FAM171A1: variants seen among roughly 807,000 people sequenced by gnomAD.
FAM171A1 encodes family with sequence similarity 171 member A1, also known as protein FAM171A1.
In FAM171A1, 23 loss-of-function variants were observed where a neutral mutation model predicts 74.9. The ratio of observed to expected loss-of-function variants is 0.31; its 90% confidence interval spans 0.22 to 0.44. The LOEUF is 0.44. Among genes scored for constraint, FAM171A1 ranks in the 20% least tolerant of loss-of-function variants. The pLI is 1.00. For missense variants in FAM171A1, 1,162 were observed against 1,159.2 expected (o/e 1.00, Z -0.03); for synonymous variants, 527 against 505.7 (o/e 1.04, Z -0.57).
At chr10:15,363,614 CAGG>C (rs1836022557) in intron 1 of FAM171A1, among the ~76,000 whole-genome samples, 1 of 152,186 alleles carries the variant, frequency 6.6e-6, no homozygotes, top group Admixed American at 6.5e-5. Flanking sequence ...AGTTCCTTGG[CAGG>C]AGACTGATGG....
In FAM171A1 at chr10:15,285,142, G is replaced by C. The variant is rs149924405; in HGVS notation, c.98-1037C>G. Among the ~76,000 whole-genome samples, 675 of 152,298 alleles carry C rather than the reference G, an allele frequency of 4.4e-3. 3 individuals carry two copies. Among genetic ancestry groups the C allele is most frequent in the African/African-American group, 0.014 (602 of 41,564 alleles). On this transcript the variant is annotated intron_variant, in intron 1 of 7. Transcript: ENST00000378116. The stretch of plus-strand genomic sequence containing the variant: ...ATTGTAACTACACAGCTACAGTGAA[G>C]GAGAGGATGCGTGAGTAAACAGGAA...
Position 15,318,419 on chromosome 10 carries a change from T to C in FAM171A1, c.98-34314A>G, listed in dbSNP as rs570648959. The stretch of plus-strand genomic sequence containing the variant: ...AAGGGGTCACGAAGCTGGTTACTTA[T>C]CTGCGTGCGGTAAGTCTATACAGAA... On this transcript the variant is annotated intron_variant, in intron 1 of 7. Coordinates refer to ENST00000378116, the MANE Select transcript of FAM171A1 (RefSeq NM_001010924.2). 9.2e-5 allele frequency among the ~76,000 whole-genome samples: 14 copies of C among 152,288 alleles called. No individual in the cohort carries two copies. The South Asian group carries it at 1.5e-3, about 16-fold the overall frequency.
At chr10:15,229,595 C>T (rs368328151) in intron 5 of FAM171A1, among the ~76,000 whole-genome samples, 1,625 of 122,226 alleles carry the variant, frequency 0.013, 26 homozygotes, top group Non-Finnish European at 0.021. Flanking sequence ...TCATCACCAT[C>T]ATCACCATCA....
chr10:15,351,737 A>G (rs924569505), intron 1 of FAM171A1, among the ~76,000 whole-genome samples: 7 of 152,168 alleles, frequency 4.6e-5, no homozygotes, highest in Non-Finnish European at 1.5e-5. Context: ...GCCACAAAAC[A>G]GCTATGTTCC....
At chr10:15,290,912 A>G (rs11259597) in intron 1 of FAM171A1, among the ~76,000 whole-genome samples, 3,084 of 152,052 alleles carry the variant, frequency 0.02, 39 homozygotes, top group Non-Finnish European at 0.031. Flanking sequence ...TGTTTTGTTT[A>G]GAGTCTTAGC....
At chr10:15,319,268 A>G (rs1005829279) in intron 1 of FAM171A1, among the ~76,000 whole-genome samples, 2 of 152,194 alleles carry the variant, frequency 1.3e-5, no homozygotes, top group South Asian at 2.1e-4. Flanking sequence ...ACCAGAGAAG[A>G]AAAATGATAC....
intron 2 of FAM171A1, among the ~76,000 whole-genome samples, chr10:15,276,954 T>C (rs568926138): frequency 4.6e-5 from 7 of 152,320 alleles, no homozygotes; most frequent in Non-Finnish European, 7.3e-5. Context: ...TCCAAAGTCC[T>C]GGGATTATAG....
intron 1 of FAM171A1, among the ~76,000 whole-genome samples, chr10:15,296,521 T>C (rs1233560444): frequency 2.0e-5 from 3 of 152,190 alleles, no homozygotes; most frequent in South Asian, 4.1e-4. Flanking sequence ...TTCAGTTTGA[T>C]GTTCCTCCGC....
At chr10:15,231,678 T>C (rs1299181629) in intron 5 of FAM171A1, among the ~76,000 whole-genome samples, 1 of 152,052 alleles carries the variant, frequency 6.6e-6, no homozygotes. Flanking sequence ...CATGTGGCTG[T>C]AGCGGGTTCA....
chr10:15,351,570 T>TGGATGGATGGAC (rs1421499147), intron 1 of FAM171A1, among the ~76,000 whole-genome samples: 23 of 149,304 alleles, frequency 1.5e-4, no homozygotes, highest in African/African-American at 5.4e-4. Context: ...GTAGGGACGA[T>TGGATGGATGGAC]GGATGGATGG....
chr10:15,360,420 C>T (rs1588571496), intron 1 of FAM171A1, among the ~76,000 whole-genome samples: 2 of 152,348 alleles, frequency 1.3e-5, no homozygotes, highest in African/African-American at 4.8e-5. Flanking sequence ...AGTTCCTTAA[C>T]ATGCTTCCCT....
chr10:15,333,083 T>C (rs571425430), intron 1 of FAM171A1, among the ~76,000 whole-genome samples: 11 of 152,274 alleles, frequency 7.2e-5, no homozygotes, highest in Middle Eastern at 6.8e-3. Context: ...CTCCTGGAAG[T>C]CCACAGCTAC....
chr10:15,342,952 G>C (rs769489464), intron 1 of FAM171A1, among the ~76,000 whole-genome samples: 4 of 152,176 alleles, frequency 2.6e-5, no homozygotes, highest in Non-Finnish European at 5.9e-5. Context: ...CGTGAGCAAA[G>C]GTTCTGTCCT....
At chr10:15,366,539 T>G (rs1233272236) in intron 1 of FAM171A1, among the ~76,000 whole-genome samples, 1 of 152,226 alleles carries the variant, frequency 6.6e-6, no homozygotes, top group Non-Finnish European at 1.5e-5. Flanking sequence ...TGATATTAAG[T>G]GAAAATGATT....
At position 15,213,974 on chromosome 10, in the gene FAM171A1, T is replaced by A; in HGVS notation, c.1614A>T (p.Glu538Asp). 1 of 1,614,164 alleles carries A rather than the reference T, an allele frequency of 6.2e-7. No individual in the cohort carries two copies. The change falls in exon 8 of 8, where the codon GAA becomes GAT. Residue 538 changes from glutamate to aspartate, a missense_variant. Transcript: ENST00000378116. This position sits in a 1 kb window ranked among gnomAD's most constrained non-coding sequence, Gnocchi z 6.8. ...KEQLLDRRPT[E>D]CMMSRSVDHL... is the part of the protein sequence containing the mutation. ...GATCTACTGATCGCGACATCATACA[T>A]TCAGTGGGTCTGCGGTCCAGCAGCT...
intron 1 of FAM171A1, among the ~76,000 whole-genome samples, chr10:15,299,985 C>CAAAT (rs1430129117): frequency 2.6e-5 from 4 of 151,406 alleles, no homozygotes; most frequent in Non-Finnish European, 5.9e-5. Flanking sequence ...AACAAACAAA[C>CAAAT]AAAAAAGGGC....
At chr10:15,306,669 C>G (rs540859032) in intron 1 of FAM171A1, among the ~76,000 whole-genome samples, 4 of 152,188 alleles carry the variant, frequency 2.6e-5, no homozygotes, top group African/African-American at 9.6e-5. Flanking sequence ...CCTGGCATAG[C>G]CATTCTTTTT....
intron 1 of FAM171A1, among the ~76,000 whole-genome samples, chr10:15,337,528 C>T (rs1313024150): frequency 6.6e-6 from 1 of 151,204 alleles, no homozygotes; most frequent in Non-Finnish European, 1.5e-5. Flanking sequence ...CCGTGACTCA[C>T]GCCTGTAATC....
intron 5 of FAM171A1, among the ~76,000 whole-genome samples, chr10:15,222,483 A>G (rs1040825877): frequency 6.6e-6 from 1 of 152,218 alleles, no homozygotes; most frequent in Non-Finnish European, 1.5e-5. Context: ...ATCTAAACAT[A>G]GAAAAGGTAC....
Sources: allele counts gnomAD v4.1 joint callset (sites outside exome capture counted in the v4.1 genomes callset), GRCh38; gene constraint gnomAD v4.1.1; non-coding constraint Gnocchi (gnomAD v3.1); transcripts MANE v1.5; gene names NCBI Gene and HGNC (gene_info 2026-07-23, HGNC 2026-07-21).